AP1S3: variants seen among roughly 807,000 people sequenced by gnomAD.
AP1S3 encodes the protein AP-1 complex subunit sigma-3.
In AP1S3, 10 loss-of-function variants were observed where a neutral mutation model predicts 20.9. That is an observed-to-expected ratio of 0.48 (90% CI 0.29 to 0.81). AP1S3 has a LOEUF of 0.81. Ranked by LOEUF, AP1S3 falls within the 30% of genes least tolerant of loss-of-function variation. The pLI is 0.08. For synonymous variants in AP1S3, 41 were observed against 61.5 expected, an observed-to-expected ratio of 0.67 and a Z score of 1.56; for missense variants, 154 against 183.8, an observed-to-expected ratio of 0.84 and a Z score of 0.94.
At chr2:223,833,882 T>TTTA (rs1692334934) in intron 1 of AP1S3, among the ~76,000 whole-genome samples, 4 of 145,940 alleles carry the variant, frequency 2.7e-5, no homozygotes, top group African/African-American at 1.0e-4. Flanking sequence ...TTTACACTCT[T>TTTA]TTTATTTATT....
chr2:223,781,625 T>C (rs993845299), intron 1 of AP1S3, among the ~76,000 whole-genome samples: 49 of 152,042 alleles, frequency 3.2e-4, no homozygotes, highest in African/African-American at 1.2e-3. Context: ...AATCAAACAC[T>C]ACCTTCTGAG....
At chr2:223,790,609 G>A (rs1384904217) in intron 1 of AP1S3, among the ~76,000 whole-genome samples, 2 of 151,940 alleles carry the variant, frequency 1.3e-5, no homozygotes, top group Non-Finnish European at 2.9e-5. Context: ...TTAGTCTACT[G>A]GCCTGTAGGT....
intron 1 of AP1S3, among the ~76,000 whole-genome samples, chr2:223,796,812 C>T (rs549841706): frequency 5.3e-5 from 8 of 152,188 alleles, no homozygotes; most frequent in East Asian, 3.9e-4. Context: ...TACAGGTGCC[C>T]GCCACTGCGC....
intron 1 of AP1S3, among the ~76,000 whole-genome samples, chr2:223,801,938 G>T (rs1431232464): frequency 6.6e-6 from 1 of 152,210 alleles, no homozygotes; most frequent in Non-Finnish European, 1.5e-5. Context: ...TATCACAGAA[G>T]TGACAATAAA....
intron 3 of AP1S3, chr2:223,770,077 A>C (rs182749416): frequency 1.4e-6 from 2 of 1,416,978 alleles, no homozygotes; most frequent in African/African-American, 2.9e-5. Flanking sequence ...ATATGTTTAG[A>C]GGGACATGTA....
At position 223,756,988 on chromosome 2, in the gene AP1S3, C is replaced by CTT. The variant is rs531434125; in HGVS notation, c.*1725_*1726dup. Reference sequence around the variant, plus strand: ...AGAATACTACAAGCTTTTACTTTTTCTTTTTTTTTTTTTTTTTCTTGAGAC... The same window carrying CTT: ...AGAATACTACAAGCTTTTACTTTTTCTTTTTTTTTTTTTTTTTTTCTTGAGAC... On this transcript the variant is annotated 3_prime_UTR_variant, in exon 5 of 5. Coordinates refer to ENST00000396654, the MANE Select transcript of AP1S3 (RefSeq NM_001039569.2). 2.4e-3 allele frequency: 2,191 copies of CTT among 918,554 alleles called. No homozygotes were observed. The highest frequency in any genetic ancestry group is 3.2e-3 in the African/African-American group (170 of 52,642). 56.9% of individuals were successfully genotyped at this position (918,554 alleles called of 1,614,324 possible).
chr2:223,796,791 G>A (rs1031349219), intron 1 of AP1S3, among the ~76,000 whole-genome samples: 1 of 152,250 alleles, frequency 6.6e-6, no homozygotes, highest in Non-Finnish European at 1.5e-5. Flanking sequence ...AGCCTCCCAA[G>A]CAGCTGGGAT....
chr2:223,798,247 T>C (rs562364245), intron 1 of AP1S3, among the ~76,000 whole-genome samples: 2 of 152,344 alleles, frequency 1.3e-5, no homozygotes, highest in African/African-American at 4.8e-5. Flanking sequence ...GTCAGCCTTT[T>C]TCCTGAAATA....
intron 1 of AP1S3, among the ~76,000 whole-genome samples, chr2:223,788,339 G>A (rs534499962): frequency 1.2e-4 from 18 of 152,136 alleles, no homozygotes; most frequent in African/African-American, 3.6e-4. Flanking sequence ...TTGGCCGGGC[G>A]TGGTGGCTCA....
chr2:223,806,470 G>C (rs990500312), intron 1 of AP1S3, among the ~76,000 whole-genome samples: 12 of 151,942 alleles, frequency 7.9e-5, no homozygotes, highest in African/African-American at 2.9e-4. Context: ...ATTTTTAGTA[G>C]AGACAGGGTT....
intron 1 of AP1S3, among the ~76,000 whole-genome samples, chr2:223,808,687 C>T (rs551332100): frequency 5.6e-4 from 86 of 152,294 alleles, no homozygotes; most frequent in African/African-American, 2.0e-3. Context: ...CTTCAGAGTA[C>T]TCAATACTTT....
chr2:223,780,357 A>T (rs13002140), intron 1 of AP1S3, among the ~76,000 whole-genome samples: 28,263 of 44,032 alleles, frequency 0.64, 9,540 homozygotes, highest in East Asian at 0.72. Flanking sequence ...AGAGAGAGAG[A>T]GTGTGTGTGT....
intron 4 of AP1S3, among the ~76,000 whole-genome samples, chr2:223,762,758 A>T (rs999091868): frequency 6.6e-6 from 1 of 152,188 alleles, no homozygotes; most frequent in Non-Finnish European, 1.5e-5. Context: ...CTAAATCCGC[A>T]GGCAGGTGTA....
chr2:223,763,893 A>G (rs1377844154), intron 4 of AP1S3, among the ~76,000 whole-genome samples: 1 of 152,148 alleles, frequency 6.6e-6, no homozygotes, highest in Admixed American at 6.6e-5. Flanking sequence ...AGCAGGAAAA[A>G]AGTAGCTTTA....
intron 3 of AP1S3, among the ~76,000 whole-genome samples, chr2:223,770,042 C>G (rs1690577078): frequency 6.6e-6 from 1 of 152,044 alleles, no homozygotes; most frequent in African/African-American, 2.4e-5. Context: ...TCGCGCCCGG[C>G]CGCGATCCTA....
intron 1 of AP1S3, among the ~76,000 whole-genome samples, chr2:223,813,963 T>C (rs1691791712): frequency 6.6e-6 from 1 of 152,194 alleles, no homozygotes; most frequent in Non-Finnish European, 1.5e-5. Context: ...CATGCATCTT[T>C]ACAAATCCTT....
intron 1 of AP1S3, among the ~76,000 whole-genome samples, chr2:223,780,174 T>G (rs576283793): frequency 6.7e-6 from 1 of 149,790 alleles, no homozygotes; most frequent in African/African-American, 2.5e-5. Flanking sequence ...TCTTTTGGAG[T>G]GCAGTGGCTC....
At chr2:223,780,351 A>T (rs1402161313) in intron 1 of AP1S3, among the ~76,000 whole-genome samples, 21,264 of 59,730 alleles carry the variant, frequency 0.36, 4,170 homozygotes, top group Non-Finnish European at 0.4. Context: ...AGAGAGAGAG[A>T]GAGAGAGTGT....
At chr2:223,817,562 C>T (rs1393777395) in intron 1 of AP1S3, among the ~76,000 whole-genome samples, 6 of 143,510 alleles carry the variant, frequency 4.2e-5, no homozygotes, top group Non-Finnish European at 8.9e-5. Context: ...GAGCCGAGAT[C>T]GCACCATTGC....
Sources: gnomAD v4.1 joint callset for allele counts (sites outside exome capture counted in the v4.1 genomes callset) on GRCh38, gnomAD v4.1.1 for gene constraint, MANE v1.5 for transcripts, NCBI Gene and HGNC (gene_info 2026-07-23, HGNC 2026-07-21) for gene names.